RXRB: variants seen among roughly 807,000 people sequenced by gnomAD.
RXRB encodes retinoic acid receptor RXR-beta.
In RXRB, 18 loss-of-function variants were observed where a neutral mutation model predicts 52.5. The observed-to-expected ratio is 0.34, with a 90% confidence interval of 0.24 to 0.51. The LOEUF (loss-of-function observed/expected upper bound fraction) is 0.51, where lower values mean the gene tolerates loss of function less well. RXRB is among the 20% of genes least tolerant of loss of function. The pLI, the probability that RXRB is intolerant of heterozygous loss-of-function variation, is 0.97. For synonymous variants in RXRB, 233 were observed against 267.1 expected, an observed-to-expected ratio of 0.87 and a Z score of 1.25; for missense variants, 455 against 698.2, an observed-to-expected ratio of 0.65 and a Z score of 3.92.
rs1006656113 is a variant in RXRB, at chr6:33,200,325, G to A, written c.152C>T (p.Ala51Val). 3 of 1,584,934 alleles carry A rather than the reference G, an allele frequency of 1.9e-6. No individual in the cohort carries two copies. The highest frequency in any genetic ancestry group is 1.3e-5 in the African/African-American group (1 of 74,150). Residue 51 changes from alanine to valine, a missense_variant, in exon 1 of 10, where the codon GCG becomes GTG. Ala to Val is a moderately conservative substitution (Grantham distance 64). Transcript: ENST00000374680. This position sits in a 1 kb window ranked among gnomAD's most constrained non-coding sequence, Gnocchi z 6.3. ...TTGTTGTTCTCCGCCTGCCACCGCCGCCGCCGCCGCCGCTGCGGGATCCAG... is the reference window on the plus strand; with the variant it reads ...TTGTTGTTCTCCGCCTGCCACCGCCACCGCCGCCGCCGCTGCGGGATCCAG... ...PWLDPAAAAA[A>V]AVAGGEQQTP...
In RXRB at chr6:33,194,576, C is replaced by T. The variant is rs1773743480; in HGVS notation, c.*106G>A. On this transcript the variant is annotated 3_prime_UTR_variant, in exon 10 of 10. Transcript: ENST00000374680. This position sits in a 1 kb window ranked among gnomAD's most constrained non-coding sequence, Gnocchi z 4.1. ...CTTGGTTCTGCCCTGTACTTCTCAC[C>T]CCATCAAGGTTCTGGGAACATGGCC... 2 of 1,232,868 alleles carry T rather than the reference C, an allele frequency of 1.6e-6. No homozygotes were observed. Among genetic ancestry groups the T allele is most frequent in the Non-Finnish European group, 2.3e-6 (2 of 888,670 alleles). 76.4% of individuals were successfully genotyped at this position (1,232,868 alleles called of 1,614,324 possible).
intron 1 of RXRB, chr6:33,199,796 T>C (rs1245790128): frequency 2.2e-6 from 1 of 460,480 alleles, no homozygotes; most frequent in East Asian, 5.0e-5. Context: ...CCAATCCATT[T>C]GAATGAATAC....
At position 33,200,329 on chromosome 6, in the gene RXRB, C is replaced by T; in HGVS notation, c.148G>A (p.Ala50Thr). ...TGTTCTCCGCCTGCCACCGCCGCCGCCGCCGCCGCTGCGGGATCCAGCCAG... is the reference window on the plus strand; with the variant it reads ...TGTTCTCCGCCTGCCACCGCCGCCGTCGCCGCCGCTGCGGGATCCAGCCAG... The part of the protein sequence containing the change: ...RPWLDPAAAA[A>T]AAVAGGEQQT... Residue 50 changes from alanine (A) to threonine (T), a missense_variant, in exon 1 of 10, where the codon GCG (alanine) becomes ACG (threonine). Transcript: ENST00000374680. The surrounding 1 kb of genome is among the most constrained non-coding windows in gnomAD (Gnocchi z 6.3). 1 of 1,588,718 alleles carries T rather than the reference C, an allele frequency of 6.3e-7. No individual in the cohort carries two copies. Among genetic ancestry groups the T allele is most frequent in the Non-Finnish European group, 8.5e-7 (1 of 1,171,004 alleles).
intron 2 of RXRB, among the ~76,000 whole-genome samples, chr6:33,198,841 G>A (rs1189716490): frequency 6.7e-6 from 1 of 149,462 alleles, no homozygotes; most frequent in Non-Finnish European, 1.5e-5. Flanking sequence ...TTGAACCCAG[G>A]AGGCAGAGGT....
chr6:33,200,339 T>C lies in RXRB; in HGVS notation c.138A>G (p.Ala46=), dbSNP rs895096120. 7.6e-6 allele frequency: 12 copies of C among 1,583,656 alleles called. No homozygotes were observed. Among genetic ancestry groups the C allele is most frequent in the East Asian group, 6.9e-5 (3 of 43,316 alleles). Residue 46 remains alanine (A), a synonymous_variant, in exon 1 of 10, where the codon GCA becomes GCG. Transcript: ENST00000374680. This position sits in a 1 kb window ranked among gnomAD's most constrained non-coding sequence, Gnocchi z 6.3. ...CTGCCACCGCCGCCGCCGCCGCCGC[T>C]GCGGGATCCAGCCAGGGCCGTCGCC... ...WRRRRPWLDP[A]AAAAAAVAGG... is the part of the protein sequence containing the mutation.
intron 2 of RXRB, 173 bp from the exon 3 acceptor site, chr6:33,198,637 G>A (rs1305048314): frequency 9.6e-6 from 7 of 728,320 alleles, no homozygotes; most frequent in African/African-American, 1.7e-5. Flanking sequence ...CAACCCCAAA[G>A]TGAATAAACA....
rs1017438026 is a variant in RXRB at position 33,194,339 on chromosome 6, T to C, written c.*343A>G. ...TCCACTCTTCAGATGGGAAGCAAAATGAGGCAAGATGAGAAGGAAGCAAGG... is the reference window on the plus strand; with the variant it reads ...TCCACTCTTCAGATGGGAAGCAAAACGAGGCAAGATGAGAAGGAAGCAAGG... On this transcript the variant is annotated 3_prime_UTR_variant, in exon 10 of 10. Coordinates refer to ENST00000374680, the MANE Select transcript of RXRB (RefSeq NM_021976.5). This position sits in a 1 kb window ranked among gnomAD's most constrained non-coding sequence, Gnocchi z 4.1. 9.8e-5 allele frequency: 23 copies of C among 235,620 alleles called. No homozygotes were observed. Among genetic ancestry groups the C allele is most frequent in the Non-Finnish European group, 3.3e-5 (4 of 122,222 alleles). The allele number at this position is 235,620 out of a possible 1,614,324, so 14.6% of individuals were successfully genotyped here.
chr6:33,197,716 GAGA>G lies in RXRB; in HGVS notation c.820+43_820+45del. ...GGTACACAGTCTGAGTGGGATAAGG[GAGA>G]AGGGCATGTGGTCTAAGACGCCTGG... On this transcript the variant is annotated intron_variant, in intron 4 of 9. Transcript: ENST00000374680. This position sits in a 1 kb window ranked among gnomAD's most constrained non-coding sequence, Gnocchi z 4.4. The G allele has an allele frequency of 6.3e-7, 1 of 1,585,594 alleles. No homozygotes were observed. Among genetic ancestry groups the G allele is most frequent in the East Asian group, 2.2e-5 (1 of 44,720 alleles).
In RXRB at chr6:33,197,560, G is replaced by GCCACAGAGGCCTAA. The variant is rs1260676559; in HGVS notation, c.820+188_820+201dup. 1.3e-5 allele frequency among the ~76,000 whole-genome samples: 2 copies of GCCACAGAGGCCTAA among 152,318 alleles called. No individual in the cohort carries two copies. Among genetic ancestry groups the GCCACAGAGGCCTAA allele is most frequent in the African/African-American group, 4.8e-5 (2 of 41,560 alleles). ...GTCTAGGGAGGGGTCATATGTGCAG[G>GCCACAGAGGCCTAA]CCACAGAGGCCTAACCATTAAGAAG... is the stretch of plus-strand genomic sequence containing the variant. On this transcript the variant is annotated intron_variant, in intron 4 of 9. Transcript: ENST00000374680. This position sits in a 1 kb window ranked among gnomAD's most constrained non-coding sequence, Gnocchi z 4.4.
At position 33,193,658 on chromosome 6, in the gene RXRB, G is replaced by A. The variant is rs1040407920; in HGVS notation, c.*1024C>T. The A allele has an allele frequency of 3.3e-5, 5 of 152,156 alleles. No individual in the cohort carries two copies. The highest frequency in any genetic ancestry group is 1.2e-4 in the African/African-American group (5 of 41,418). The allele number at this position is 152,156 out of a possible 1,614,324, so 9.4% of individuals were successfully genotyped here. A position where few individuals can be genotyped will look rare whatever the true frequency, so the allele number is the denominator to read the frequency against. On this transcript the variant is annotated 3_prime_UTR_variant, in exon 10 of 10. Transcript: ENST00000374680. ...AGGGGAAAGGAGCCCCAAAGAGAAG[G>A]GACGCAGGGCAAAAATCATGCAGCC... is the stretch of plus-strand genomic sequence containing the variant.
At position 33,197,864 on chromosome 6, in the gene RXRB, A is replaced by G. The variant is rs780983323; in HGVS notation, c.718T>C (p.Ser240Pro). 6.2e-7 allele frequency: 1 copy of G among 1,613,776 alleles called. No homozygotes were observed. Among genetic ancestry groups the G allele is most frequent in the Non-Finnish European group, 8.5e-7 (1 of 1,180,016 alleles). The change falls in exon 4 of 10, where the codon TCT becomes CCT. Residue 240 changes from serine (S) to proline (P), a missense_variant. Ser to Pro is a moderately conservative substitution (Grantham distance 74, BLOSUM62 -1). This residue lies in a region of RXRB where 100 missense variants were observed against 141.9 expected (regional missense o/e 0.70). Coordinates refer to ENST00000374680, the MANE Select transcript of RXRB (RefSeq NM_021976.5). The surrounding 1 kb of genome is among the most constrained non-coding windows in gnomAD (Gnocchi z 4.4). ...KRTIRKDLTY[S>P]CRDNKDCTVD... ...GTGCAGTCTTTGTTGTCCCGGCAAGAGTATGTAAGGTCTTTGCGGATGGTG... is the reference window on the plus strand; with the variant it reads ...GTGCAGTCTTTGTTGTCCCGGCAAGGGTATGTAAGGTCTTTGCGGATGGTG...
In RXRB at chr6:33,195,638, G is replaced by T; in HGVS notation, c.1188C>A (p.Leu396=). The change falls in exon 7 of 10, where the codon CTC becomes CTA. Residue 396 remains leucine, a synonymous_variant. Transcript: ENST00000374680. The surrounding 1 kb of genome is among the most constrained non-coding windows in gnomAD (Gnocchi z 8.6). The part of the protein sequence containing the change: ...HRSIDVRDGI[L]LATGLHVHRN... Reference sequence around the variant, plus strand: ...GGTGCACGTGAAGACCTGTGGCAAGGAGGATGCCATCTCGAACATCAATGG... The same window carrying T: ...GGTGCACGTGAAGACCTGTGGCAAGTAGGATGCCATCTCGAACATCAATGG... The T allele has an allele frequency of 6.2e-7, 1 of 1,613,064 alleles. No homozygotes were observed. The highest frequency in any genetic ancestry group is 8.5e-7 in the Non-Finnish European group (1 of 1,180,016).
intron 1 of RXRB, chr6:33,199,760 T>G: frequency 2.3e-6 from 1 of 431,302 alleles, no homozygotes. Flanking sequence ...GAGAGGAGGA[T>G]AGTTCAGGTG....
chr6:33,198,257 A>G (rs2076310), intron 3 of RXRB, 51 bp downstream of exon 3: 418,388 of 1,610,972 alleles, frequency 0.26, 59,525 homozygotes, highest in East Asian at 0.65. Context: ...CCCACAGGTG[A>G]TGATACATGG....
chr6:33,194,332 AG>A lies in RXRB; in HGVS notation c.*349del, dbSNP rs1285808684. 9 of 221,932 alleles carry A rather than the reference AG, an allele frequency of 4.1e-5. No individual in the cohort carries two copies. The highest frequency in any genetic ancestry group is 6.9e-5 in the African/African-American group (3 of 43,776). 13.7% of individuals were successfully genotyped at this position (221,932 alleles called of 1,614,324 possible). A position where few individuals can be genotyped will look rare whatever the true frequency, so the allele number is the denominator to read the frequency against. On this transcript the variant is annotated 3_prime_UTR_variant, in exon 10 of 10. Transcript: ENST00000374680. This position sits in a 1 kb window ranked among gnomAD's most constrained non-coding sequence, Gnocchi z 4.1. ...CCCCATTTCCACTCTTCAGATGGGA[AG>A]CAAAATGAGGCAAGATGAGAAGGAA...
intron 2 of RXRB, 198 bp from the exon 3 acceptor site, chr6:33,198,662 T>A: frequency 1.4e-6 from 1 of 704,088 alleles, no homozygotes; most frequent in Non-Finnish European, 2.6e-6. Flanking sequence ...CCCCCTGAAA[T>A]TGTGCAACAC....
chr6:33,200,688 C>T, upstream of RXRB: 11 of 1,544,452 alleles, frequency 7.1e-6, no homozygotes, highest in Non-Finnish European at 9.6e-6. The surrounding 1 kb of genome is among the most constrained non-coding windows in gnomAD (Gnocchi z 6.3). Flanking sequence ...GAGTTCCCGC[C>T]CCCTCGTCTA....
Position 33,195,881 on chromosome 6 carries a change from A to C in RXRB, c.1123+26T>G. 6.2e-7 allele frequency: 1 copy of C among 1,611,760 alleles called. No individual in the cohort carries two copies. The stretch of plus-strand genomic sequence containing the variant: ...GTCAAAGAGGGGTCAAATGTCAAGA[A>C]GTCAAAGGGATCCAAGGTCACTGAC... On this transcript the variant is annotated intron_variant, in intron 6 of 9. Transcript: ENST00000374680. This position sits in a 1 kb window ranked among gnomAD's most constrained non-coding sequence, Gnocchi z 8.6.
chr6:33,198,933 A>AACAC (rs869061993), intron 2 of RXRB, among the ~76,000 whole-genome samples: 12 of 128,364 alleles, frequency 9.3e-5, no homozygotes, highest in Admixed American at 3.8e-4. Context: ...AAAAAAAAAA[A>AACAC]ACACACACAC....
Sources: allele counts gnomAD v4.1 joint callset (sites outside exome capture counted in the v4.1 genomes callset), GRCh38; gene constraint gnomAD v4.1.1; regional missense constraint gnomAD v4.1.1; non-coding constraint Gnocchi (gnomAD v3.1); transcripts MANE v1.5; gene names NCBI Gene and HGNC (gene_info 2026-07-23, HGNC 2026-07-21).